XKR6: variants seen among roughly 807,000 people sequenced by gnomAD.
XKR6 encodes XK related 6.
Under a neutral mutation model 56.7 loss-of-function variants are expected in XKR6, and 22 were observed. That is an observed-to-expected ratio of 0.39 (90% CI 0.28 to 0.55). XKR6 has a LOEUF of 0.55. Among genes scored for constraint, XKR6 ranks in the 20% least tolerant of loss-of-function variants. The probability of loss-of-function intolerance (pLI) is 0.66; values close to 1 mark genes in which losing one functional copy is unlikely to be tolerated. For missense variants in XKR6, 852 were observed against 889.0 expected, an observed-to-expected ratio of 0.96 and a Z score of 0.53; for synonymous variants, 524 against 387.8, an observed-to-expected ratio of 1.35 and a Z score of -4.13.
At chr8:11,193,307 A>G (rs1803685185) in intron 1 of XKR6, among the ~76,000 whole-genome samples, 1 of 152,250 alleles carries the variant, frequency 6.6e-6, no homozygotes, top group Non-Finnish European at 1.5e-5. Flanking sequence ...CTTGTTTAAT[A>G]TTTCAAAAGT....
At chr8:11,106,863 A>AAAAAAAAAAAAAAAAG (rs60435831) in intron 1 of XKR6, among the ~76,000 whole-genome samples, 2,152 of 109,672 alleles carry the variant, frequency 0.02, 287 homozygotes, top group African/African-American at 0.043. Context: ...AAAAAAAAAA[A>AAAAAAAAAAAAAAAAG]AATAAAAAAG....
intron 1 of XKR6, among the ~76,000 whole-genome samples, chr8:10,999,901 A>G (rs1798200613): frequency 6.6e-6 from 1 of 152,218 alleles, no homozygotes; most frequent in South Asian, 2.1e-4. Flanking sequence ...GGAGAGCACC[A>G]GTGTTTCTTA....
At chr8:10,903,349 G>T (rs550378035) in intron 2 of XKR6, among the ~76,000 whole-genome samples, 14 of 152,282 alleles carry the variant, frequency 9.2e-5, no homozygotes, top group African/African-American at 3.1e-4. Context: ...ACTCAACAGG[G>T]GCAGGAGATG....
At chr8:11,168,073 G>A (rs995954845) in intron 1 of XKR6, among the ~76,000 whole-genome samples, 13 of 152,050 alleles carry the variant, frequency 8.5e-5, no homozygotes, top group Non-Finnish European at 7.4e-5. Context: ...AGCAAACCTC[G>A]GTGAAAGAGG....
At chr8:10,909,374 G>C (rs528494053) in intron 2 of XKR6, among the ~76,000 whole-genome samples, 2 of 152,172 alleles carry the variant, frequency 1.3e-5, no homozygotes, top group East Asian at 3.8e-4. Flanking sequence ...AATGGACTAA[G>C]ATACCCCTCA....
intron 1 of XKR6, among the ~76,000 whole-genome samples, chr8:11,013,271 G>A (rs1798541346): frequency 6.6e-6 from 1 of 152,220 alleles, no homozygotes; most frequent in South Asian, 2.1e-4. Flanking sequence ...AGGCTGAGGA[G>A]GCTGACCTTC....
At chr8:11,150,815 T>C (rs1485007163) in intron 1 of XKR6, among the ~76,000 whole-genome samples, 1 of 137,226 alleles carries the variant, frequency 7.3e-6, no homozygotes, top group Non-Finnish European at 1.5e-5. Flanking sequence ...ATCAGGCCAC[T>C]GCACTCCAGC....
At chr8:11,187,019 G>T (rs954932851) in intron 1 of XKR6, among the ~76,000 whole-genome samples, 1 of 152,200 alleles carries the variant, frequency 6.6e-6, no homozygotes, top group Non-Finnish European at 1.5e-5. Context: ...AAAGCAGTCT[G>T]TTTATTCTAC....
rs1261098006 is a variant in XKR6, at chr8:11,108,478, G to T, written c.764+92098C>A. 27 of 404,942 alleles carry T rather than the reference G, an allele frequency of 6.7e-5. No homozygotes were observed. In the Admixed American group the frequency reaches 7.5e-4, roughly 11 times the overall value. 25.1% of individuals were successfully genotyped at this position (404,942 alleles called of 1,614,324 possible). A position where few individuals can be genotyped will look rare whatever the true frequency, so the allele number is the denominator to read the frequency against. On this transcript the variant is annotated intron_variant, in intron 1 of 2. Coordinates refer to ENST00000416569, the MANE Select transcript of XKR6 (RefSeq NM_173683.4). ...AGAAATATGTTCATTTAAAAAACAG[G>T]ACATTAGTACTCAACTTATGAAATA...
chr8:11,057,043 T>C (rs1342444082), intron 1 of XKR6, among the ~76,000 whole-genome samples: 1 of 152,224 alleles, frequency 6.6e-6, no homozygotes, highest in Non-Finnish European at 1.5e-5. Flanking sequence ...GGTGCAGCCA[T>C]GTCACCATCT....
At chr8:10,983,421 G>A (rs1797780131) in intron 1 of XKR6, among the ~76,000 whole-genome samples, 1 of 151,942 alleles carries the variant, frequency 6.6e-6, no homozygotes, top group African/African-American at 2.4e-5. Context: ...AAACCTGAAT[G>A]AAATTAATTA....
chr8:11,161,104 C>T (rs1801782560), intron 1 of XKR6, among the ~76,000 whole-genome samples: 2 of 152,126 alleles, frequency 1.3e-5, no homozygotes, highest in African/African-American at 4.8e-5. Flanking sequence ...TTAAAACATC[C>T]AGTCAAATCA....
intron 1 of XKR6, among the ~76,000 whole-genome samples, chr8:10,980,649 G>C (rs1184109522): frequency 6.6e-6 from 1 of 152,140 alleles, no homozygotes; most frequent in Non-Finnish European, 1.5e-5. Flanking sequence ...CATGATTATG[G>C]ATTATGATCT....
At position 11,200,343 on chromosome 8, in the gene XKR6, C is replaced by G. The variant is rs1804139004; in HGVS notation, c.764+233G>C. The stretch of plus-strand genomic sequence containing the variant: ...GTTGGGGCAAGAGCCCCGCCGAGTG[C>G]GAAGCGGGGACGAGGACGGGCCAAC... On this transcript the variant is annotated intron_variant, in intron 1 of 2. Transcript: ENST00000416569. The surrounding 1 kb of genome is among the most constrained non-coding windows in gnomAD (Gnocchi z 6.4). 6.6e-6 allele frequency among the ~76,000 whole-genome samples: 1 copy of G among 152,192 alleles called. No homozygotes were observed. The highest frequency in any genetic ancestry group is 6.5e-5 in the Admixed American group (1 of 15,288).
At chr8:11,074,297 CCT>C (rs1800211937) in intron 1 of XKR6, among the ~76,000 whole-genome samples, 1 of 152,132 alleles carries the variant, frequency 6.6e-6, no homozygotes, top group Non-Finnish European at 1.5e-5. Flanking sequence ...CCTTGGGTCT[CCT>C]CTGTCTTAGG....
chr8:10,992,287 T>TCTCA (rs1798011071), intron 1 of XKR6, among the ~76,000 whole-genome samples: 1 of 149,794 alleles, frequency 6.7e-6, no homozygotes, highest in Non-Finnish European at 1.5e-5. Flanking sequence ...TCTCTCTCTC[T>TCTCA]CACACACACA....
At chr8:11,108,243 G>C (rs1009786751) in intron 1 of XKR6, 1 of 453,974 alleles carries the variant, frequency 2.2e-6, no homozygotes, top group East Asian at 7.0e-5. Context: ...TGTAAAATCT[G>C]TAAGGAATAA....
intron 1 of XKR6, among the ~76,000 whole-genome samples, chr8:11,071,663 T>G (rs1276241501): frequency 6.7e-6 from 1 of 150,216 alleles, no homozygotes; most frequent in South Asian, 2.1e-4. Context: ...CCCGAGTCTA[T>G]GAGCCCCGAG....
intron 1 of XKR6, among the ~76,000 whole-genome samples, chr8:10,939,190 T>G (rs939820899): frequency 8.5e-5 from 13 of 152,058 alleles, no homozygotes; most frequent in African/African-American, 2.9e-4. Context: ...GAACTTCCGC[T>G]CCCCAGTAAA....
Sources: gnomAD v4.1 joint callset for allele counts (sites outside exome capture counted in the v4.1 genomes callset) on GRCh38, gnomAD v4.1.1 for gene constraint, Gnocchi (gnomAD v3.1) non-coding constraint, MANE v1.5 for transcripts, NCBI Gene and HGNC (gene_info 2026-07-23, HGNC 2026-07-21) for gene names.